BTRC: variants seen among roughly 807,000 people sequenced by gnomAD.
BTRC encodes the protein beta-transducin repeat containing E3 ubiquitin protein ligase.
In BTRC, 42 loss-of-function variants were observed where a neutral mutation model predicts 85.5. The ratio of observed to expected loss-of-function variants is 0.49; its 90% CI spans 0.38 to 0.64. BTRC has a LOEUF of 0.64. Among genes scored for constraint, BTRC ranks in the 30% least tolerant of loss-of-function variants. BTRC has a pLI of 0.00. For missense variants in BTRC, 594 were observed against 743.5 expected, an observed-to-expected ratio of 0.80 and a Z score of 2.34; for synonymous variants, 255 against 263.3, an observed-to-expected ratio of 0.97 and a Z score of 0.30.
intron 3 of BTRC, among the ~76,000 whole-genome samples, chr10:101,473,574 G>A (rs996204226): frequency 1.4e-5 from 2 of 146,560 alleles, no homozygotes; most frequent in Admixed American, 6.9e-5. Context: ...GGGTTCAAGC[G>A]ATTCTCCTCC....
At chr10:101,429,507 C>G (rs1406961573) in intron 1 of BTRC, among the ~76,000 whole-genome samples, 3 of 114,554 alleles carry the variant, frequency 2.6e-5, no homozygotes, top group African/African-American at 9.7e-5. Context: ...TCTCCCCTCC[C>G]CCCCTCCCCT....
chr10:101,519,169 C>T (rs549656751), intron 4 of BTRC, among the ~76,000 whole-genome samples: 48 of 150,784 alleles, frequency 3.2e-4, no homozygotes, highest in African/African-American at 1.1e-3. Flanking sequence ...ATCTCCACCT[C>T]CTGGGTTCAA....
intron 4 of BTRC, among the ~76,000 whole-genome samples, chr10:101,485,634 T>G (rs1229353625): frequency 1.1e-4 from 16 of 151,928 alleles, no homozygotes; most frequent in Non-Finnish European, 1.5e-4. Context: ...CTATGAACCG[T>G]TTTTTTTGTT....
At chr10:101,509,597 G>A (rs1459159106) in intron 4 of BTRC, among the ~76,000 whole-genome samples, 1 of 147,022 alleles carries the variant, frequency 6.8e-6, no homozygotes, top group Non-Finnish European at 1.5e-5. Context: ...CTGTTGTTTA[G>A]GCTGAAGTGC....
At chr10:101,366,851 A>AGTATATATTT (rs1942412073) in intron 1 of BTRC, among the ~76,000 whole-genome samples, 1 of 25,620 alleles carries the variant, frequency 3.9e-5, no homozygotes, top group Non-Finnish European at 6.3e-5. Context: ...TATGTATATT[A>AGTATATATTT]ATATATATTT....
At chr10:101,456,056 AGCTACTCG>A (rs1945073448) in intron 2 of BTRC, among the ~76,000 whole-genome samples, 1 of 143,170 alleles carries the variant, frequency 7.0e-6, no homozygotes, top group Admixed American at 7.1e-5. Context: ...CTGTAATCCC[AGCTACTCG>A]GGAGGCTGAG....
At chr10:101,385,618 C>CTTCT (rs1554865839) in intron 1 of BTRC, among the ~76,000 whole-genome samples, 5 of 79,802 alleles carry the variant, frequency 6.3e-5, no homozygotes, top group South Asian at 9.0e-4. Context: ...TCTTCTTCTT[C>CTTCT]TTTTTTTTTT....
chr10:101,444,946 A>G (rs945287992), intron 2 of BTRC, among the ~76,000 whole-genome samples: 8 of 152,190 alleles, frequency 5.3e-5, no homozygotes, highest in African/African-American at 1.9e-4. Flanking sequence ...ATAGTAGGGC[A>G]TGGCCTTGAG....
chr10:101,487,334 A>G (rs140408441), intron 4 of BTRC, among the ~76,000 whole-genome samples: 1 of 152,366 alleles, frequency 6.6e-6, no homozygotes, highest in East Asian at 1.9e-4. Context: ...TATGAAGAAC[A>G]GGATTTTTCA....
intron 2 of BTRC, among the ~76,000 whole-genome samples, chr10:101,446,848 C>T (rs539239322): frequency 6.6e-6 from 1 of 152,198 alleles, no homozygotes; most frequent in Admixed American, 6.5e-5. Flanking sequence ...CCCTCTATCC[C>T]CCAAAGATCT....
In BTRC at chr10:101,462,013, C is replaced by T. The variant is rs759103744; in HGVS notation, c.189C>T (p.Gly63=). The T allele has an allele frequency of 5.6e-6, 9 of 1,611,448 alleles. No homozygotes were observed. The highest frequency in any genetic ancestry group is 4.0e-5 in the African/African-American group (3 of 74,836). Residue 63 remains glycine (G), a synonymous_variant, in exon 3 of 15, where the codon GGC becomes GGT. Coordinates refer to ENST00000370187, the MANE Select transcript of BTRC (RefSeq NM_033637.4). ...NSSEREDCNN[G]EPPRKIIPEK... is the part of the protein sequence containing the mutation. ...CAGAGAGAGAAGACTGTAATAATGG[C>T]GAACCCCCTAGGAAGATAATACCAG...
chr10:101,409,255 A>G (rs879232296), intron 1 of BTRC, among the ~76,000 whole-genome samples: 15 of 152,190 alleles, frequency 9.9e-5, no homozygotes, highest in African/African-American at 3.1e-4. Flanking sequence ...GCCCTTGGCA[A>G]TCACCAATCT....
intron 3 of BTRC, among the ~76,000 whole-genome samples, chr10:101,467,582 C>T (rs575844672): frequency 2.0e-5 from 3 of 151,756 alleles, no homozygotes; most frequent in Non-Finnish European, 2.9e-5. Flanking sequence ...TAAATACTTT[C>T]GTTTGGGGTT....
rs141312784 is a variant in BTRC at position 101,468,474 on chromosome 10, C to T, written c.234+6416C>T. Among the ~76,000 whole-genome samples, 22 of 152,152 alleles carry T rather than the reference C, an allele frequency of 1.4e-4. No individual in the cohort carries two copies. The East Asian group carries it at 2.5e-3, about 17-fold the overall frequency. On this transcript the variant is annotated intron_variant, in intron 3 of 14. Transcript: ENST00000370187. ...AAAAAAATCTGCCCTAAAAACAACA[C>T]GGAATGATAGCAGATGCAGCTTTGC...
intron 4 of BTRC, among the ~76,000 whole-genome samples, chr10:101,517,286 T>A (rs1246711308): frequency 6.6e-6 from 1 of 152,210 alleles, no homozygotes; most frequent in Non-Finnish European, 1.5e-5. Flanking sequence ...CTTTCAGCTG[T>A]GTATCTTTAC....
intron 6 of BTRC, among the ~76,000 whole-genome samples, chr10:101,530,539 A>G (rs1302228374): frequency 6.6e-6 from 1 of 152,200 alleles, no homozygotes; most frequent in African/African-American, 2.4e-5. Context: ...TTCAAAGGTA[A>G]TAGTTACCAT....
intron 1 of BTRC, among the ~76,000 whole-genome samples, chr10:101,423,462 T>C (rs1194773141): frequency 6.6e-6 from 1 of 152,228 alleles, no homozygotes; most frequent in Non-Finnish European, 1.5e-5. Flanking sequence ...AAAATTTACC[T>C]AAACTTATAG....
At chr10:101,423,729 T>G (rs970439645) in intron 1 of BTRC, among the ~76,000 whole-genome samples, 1 of 152,208 alleles carries the variant, frequency 6.6e-6, no homozygotes, top group Non-Finnish European at 1.5e-5. Context: ...AATAATGTAC[T>G]TAAGGGATCT....
At chr10:101,485,965 A>G (rs1458286201) in intron 4 of BTRC, among the ~76,000 whole-genome samples, 1 of 152,190 alleles carries the variant, frequency 6.6e-6, no homozygotes, top group Non-Finnish European at 1.5e-5. Flanking sequence ...AAGTCAAACG[A>G]TCAATTCGCC....
Sources: gnomAD v4.1 joint callset for allele counts (sites outside exome capture counted in the v4.1 genomes callset) on GRCh38, gnomAD v4.1.1 for gene constraint, MANE v1.5 for transcripts, NCBI Gene and HGNC (gene_info 2026-07-23, HGNC 2026-07-21) for gene names.